Variants in PARD6G observed in about 807,000 individuals in gnomAD.
PARD6G encodes par-6 family cell polarity regulator gamma, also known as partitioning defective 6 homolog gamma.
A neutral mutation model predicts 10.7 loss-of-function variants in PARD6G; 7 were observed. The observed-to-expected ratio is 0.66, with a 90% CI of 0.37 to 1.23. The LOEUF is 1.23. Among genes scored for constraint, PARD6G ranks in the 50% most tolerant of loss-of-function variants. The pLI is 0.02. For synonymous variants in PARD6G, 287 were observed against 269.4 expected (o/e 1.07, Z -0.64); for missense variants, 548 against 571.8 (o/e 0.96, Z 0.42).
intron 1 of PARD6G, among the ~76,000 whole-genome samples, chr18:80,235,219 C>G (rs1274421539): frequency 6.6e-6 from 1 of 152,188 alleles, no homozygotes; most frequent in Non-Finnish European, 1.5e-5. Context: ...CAAAACCACT[C>G]AACTACATGG....
At position 80,158,068 on chromosome 18, in the gene PARD6G, A is replaced by G. The variant is rs2052667495; in HGVS notation, c.*1703T>C. The G allele has an allele frequency of 6.6e-6, 1 of 152,226 alleles. No homozygotes were observed. The highest frequency in any genetic ancestry group is 1.5e-5 in the Non-Finnish European group (1 of 68,046). The allele number at this position is 152,226 out of a possible 1,614,324, so 9.4% of individuals were successfully genotyped here. On this transcript the variant is annotated 3_prime_UTR_variant, in exon 3 of 3. Coordinates refer to ENST00000353265, the MANE Select transcript of PARD6G (RefSeq NM_032510.4). ...TAAATGTAACATTTTATTCAAGCAA[A>G]ACACATTATATAAAATTTAATTGTA...
chr18:80,241,263 G>A (rs990501228), intron 1 of PARD6G, among the ~76,000 whole-genome samples: 2 of 152,096 alleles, frequency 1.3e-5, no homozygotes, highest in Non-Finnish European at 2.9e-5. Context: ...CAGCAGCCAC[G>A]GACAACTGGT....
Position 80,201,761 on chromosome 18 carries a change from C to T in PARD6G, c.295+949G>A, listed in dbSNP as rs1312683391. Reference sequence around the variant, plus strand: ...AACTGGATGGGGGTTACTATGAGGACCCTCGTTTTGCAAAGCAGGACGCTG... The same window carrying T: ...AACTGGATGGGGGTTACTATGAGGATCCTCGTTTTGCAAAGCAGGACGCTG... On this transcript the variant is annotated intron_variant, in intron 2 of 2. Transcript: ENST00000353265. The surrounding 1 kb of genome is among the most constrained non-coding windows in gnomAD (Gnocchi z 5.9). 1.3e-5 allele frequency among the ~76,000 whole-genome samples: 2 copies of T among 152,232 alleles called. No homozygotes were observed. Among genetic ancestry groups the T allele is most frequent in the African/African-American group, 4.8e-5 (2 of 41,458 alleles).
intron 1 of PARD6G, among the ~76,000 whole-genome samples, chr18:80,230,627 C>A (rs1967347688): frequency 6.6e-6 from 1 of 152,166 alleles, no homozygotes; most frequent in African/African-American, 2.4e-5. Flanking sequence ...TACCCTGTGG[C>A]CCCTCTGAGC....
intron 1 of PARD6G, among the ~76,000 whole-genome samples, chr18:80,233,810 T>C (rs992840751): frequency 1.3e-5 from 2 of 151,918 alleles, no homozygotes; most frequent in Admixed American, 1.3e-4. Flanking sequence ...AAAAGAGAGA[T>C]CTCACACCTT....
At position 80,201,145 on chromosome 18, in the gene PARD6G, A is replaced by G. The variant is rs1044820294; in HGVS notation, c.295+1565T>C. ...CAAACCAGCTCTGGGAGCAATGGACAGAGCCCAGAGGAAGCCGAGTAAGAG... is the reference window on the plus strand; with the variant it reads ...CAAACCAGCTCTGGGAGCAATGGACGGAGCCCAGAGGAAGCCGAGTAAGAG... On this transcript the variant is annotated intron_variant, in intron 2 of 2. Transcript: ENST00000353265. The surrounding 1 kb of genome is among the most constrained non-coding windows in gnomAD (Gnocchi z 5.9). 6.6e-6 allele frequency among the ~76,000 whole-genome samples: 1 copy of G among 152,192 alleles called. No individual in the cohort carries two copies. Among genetic ancestry groups the G allele is most frequent in the Non-Finnish European group, 1.5e-5 (1 of 68,038 alleles).
chr18:80,194,877 G>C (rs1365101534), intron 2 of PARD6G, among the ~76,000 whole-genome samples: 1 of 152,138 alleles, frequency 6.6e-6, no homozygotes, highest in Non-Finnish European at 1.5e-5. Context: ...GAGCCCCTCC[G>C]AGGGGATGGC....
Position 80,182,015 on chromosome 18 carries a change from G to A in PARD6G, c.295+20695C>T, listed in dbSNP as rs990546314. Reference sequence around the variant, plus strand: ...GGCCTCGTGTTCAACTCCTCATCTTGCCACCTGCTTTTGTTACGCAAGAAA... The same window carrying A: ...GGCCTCGTGTTCAACTCCTCATCTTACCACCTGCTTTTGTTACGCAAGAAA... On this transcript the variant is annotated intron_variant, in intron 2 of 2. Coordinates refer to ENST00000353265, the MANE Select transcript of PARD6G (RefSeq NM_032510.4). The surrounding 1 kb of genome is among the most constrained non-coding windows in gnomAD (Gnocchi z 4.5). Among the ~76,000 whole-genome samples, 4 of 152,142 alleles carry A rather than the reference G, an allele frequency of 2.6e-5. No homozygotes were observed. The highest frequency in any genetic ancestry group is 4.4e-5 in the Non-Finnish European group (3 of 68,028).
intron 2 of PARD6G, chr18:80,197,759 C>G (rs1966971172): frequency 6.6e-6 from 1 of 152,208 alleles, no homozygotes; most frequent in Non-Finnish European, 1.5e-5. Context: ...CTCCAAGTAT[C>G]AACTTGGTTG....
intron 2 of PARD6G, chr18:80,197,692 T>C (rs971130268): frequency 4.6e-5 from 7 of 152,174 alleles, no homozygotes; most frequent in Admixed American, 1.3e-4. Context: ...ATTTGATGGA[T>C]AAGCAGGGAA....
chr18:80,189,130 G>C lies in PARD6G; in HGVS notation c.295+13580C>G, dbSNP rs2052894594. ...ATACAACACTACAGCAGTTACCAGA[G>C]AGCACAACTGTAATTGAAACAACCA... On this transcript the variant is annotated intron_variant, in intron 2 of 2. Coordinates refer to ENST00000353265, the MANE Select transcript of PARD6G (RefSeq NM_032510.4). This position sits in a 1 kb window ranked among gnomAD's most constrained non-coding sequence, Gnocchi z 5.5. Among the ~76,000 whole-genome samples the C allele has an allele frequency of 6.6e-6, 1 of 152,226 alleles. No homozygotes were observed. Among genetic ancestry groups the C allele is most frequent in the Non-Finnish European group, 1.5e-5 (1 of 68,044 alleles).
At chr18:80,244,339 A>C (rs1394560275) in intron 1 of PARD6G, among the ~76,000 whole-genome samples, 2 of 152,106 alleles carry the variant, frequency 1.3e-5, no homozygotes, top group African/African-American at 4.8e-5. Flanking sequence ...GAATCACTGG[A>C]ATTCAGGTAA....
At chr18:80,240,909 T>C (rs1042135772) in intron 1 of PARD6G, among the ~76,000 whole-genome samples, 7 of 152,166 alleles carry the variant, frequency 4.6e-5, no homozygotes, top group African/African-American at 1.4e-4. Flanking sequence ...GCAGGGATGT[T>C]GTACGTTTTA....
chr18:80,177,427 A>G (rs2052819849), intron 2 of PARD6G, among the ~76,000 whole-genome samples: 1 of 151,524 alleles, frequency 6.6e-6, no homozygotes, highest in South Asian at 2.1e-4. Flanking sequence ...ACACGCAAAC[A>G]CGCACACACA....
At chr18:80,202,564 T>G (rs1967017374) in intron 2 of PARD6G, 146 bp downstream of exon 2, 1 of 631,966 alleles carries the variant, frequency 1.6e-6, no homozygotes, top group Non-Finnish European at 2.8e-6. Context: ...CTATTAATGC[T>G]GATGAAACAA....
intron 1 of PARD6G, among the ~76,000 whole-genome samples, chr18:80,222,520 T>C (rs1057207127): frequency 6.6e-6 from 1 of 152,218 alleles, no homozygotes; most frequent in Non-Finnish European, 1.5e-5. Context: ...GGTCTCACTA[T>C]ATCCAGAAGA....
chr18:80,197,387 A>T (rs1966967447), intron 2 of PARD6G: 1 of 152,230 alleles, frequency 6.6e-6, no homozygotes, highest in Non-Finnish European at 1.5e-5. Flanking sequence ...AGAGCAAAAT[A>T]CACCCCATCG....
At chr18:80,243,786 A>G (rs546869114) in intron 1 of PARD6G, among the ~76,000 whole-genome samples, 69 of 152,240 alleles carry the variant, frequency 4.5e-4, no homozygotes, top group Admixed American at 1.3e-3. Context: ...AGGATAGGGC[A>G]GATTCTCAGA....
chr18:80,226,587 T>C (rs1251874821), intron 1 of PARD6G, among the ~76,000 whole-genome samples: 1 of 152,198 alleles, frequency 6.6e-6, no homozygotes, highest in African/African-American at 2.4e-5. Context: ...TCATGCTTTT[T>C]TCACTTAATT....
Sources: allele counts gnomAD v4.1 joint callset (sites outside exome capture counted in the v4.1 genomes callset), GRCh38; gene constraint gnomAD v4.1.1; non-coding constraint Gnocchi (gnomAD v3.1); transcripts MANE v1.5; gene names NCBI Gene and HGNC (gene_info 2026-07-23, HGNC 2026-07-21).